The following IQGAP3 variants were observed in gnomAD, a reference collection of about 807,000 sequenced individuals.
IQGAP3 encodes ras GTPase-activating-like protein IQGAP3.
IQGAP3 carries 165 observed loss-of-function variants against 208.2 expected under a neutral mutation model. The observed-to-expected ratio is 0.79, with a 90% CI of 0.70 to 0.90. The LOEUF (loss-of-function observed/expected upper bound fraction) is 0.90, where lower values mean the gene tolerates loss of function less well. Ranked by LOEUF, IQGAP3 falls within the 40% of genes least tolerant of loss-of-function variation. IQGAP3 has a pLI of 0.00. For synonymous variants in IQGAP3, 703 were observed against 803.6 expected (o/e 0.87, Z 2.12); for missense variants, 1,811 against 2,043.1 (o/e 0.89, Z 2.19).
rs544281632 is a variant in IQGAP3, at chr1:156,565,469, C to T, written c.360+558G>A. ...AAAAACAAAGCAGAAAGAAACCATACATTGTAGAATCCTATCATGCCTTCA... is the reference window on the plus strand; with the variant it reads ...AAAAACAAAGCAGAAAGAAACCATATATTGTAGAATCCTATCATGCCTTCA... On this transcript the variant is annotated intron_variant, in intron 4 of 37. Coordinates refer to ENST00000361170, the MANE Select transcript of IQGAP3 (RefSeq NM_178229.5). 7.8e-4 allele frequency among the ~76,000 whole-genome samples: 119 copies of T among 152,324 alleles called. 2 individuals are homozygous for T. Among genetic ancestry groups the T allele is most frequent in the African/African-American group, 2.9e-3 (119 of 41,578 alleles).
intron 5 of IQGAP3, among the ~76,000 whole-genome samples, chr1:156,564,348 G>GAACAAACTTACAACTTATACC (rs1229659324): frequency 3.9e-5 from 6 of 152,150 alleles, no homozygotes; most frequent in Admixed American, 2.0e-4. Context: ...TTTATACCCA[G>GAACAAACTTACAACTTATACC]TTACAAACTG....
In IQGAP3 at chr1:156,570,402, G is replaced by T. The variant is rs116102842; in HGVS notation, c.38-939C>A. ...CAAAAAATACACAAATTAGCCTGGT[G>T]TGATGGTGCAAACCTGTACTCCCAG... On this transcript the variant is annotated intron_variant, in intron 1 of 37. Coordinates refer to ENST00000361170, the MANE Select transcript of IQGAP3 (RefSeq NM_178229.5). 5.0e-3 allele frequency among the ~76,000 whole-genome samples: 766 copies of T among 152,296 alleles called. 6 individuals are homozygous for T. The highest frequency in any genetic ancestry group is 0.018 in the African/African-American group (735 of 41,562).
In IQGAP3 at chr1:156,566,605, C is replaced by T. The variant is rs1298860725; in HGVS notation, c.126-59G>A. 1.9e-6 allele frequency: 3 copies of T among 1,545,378 alleles called. No homozygotes were observed. The East Asian group carries it at 6.8e-5, about 35-fold the overall frequency. ...GGCAGACCACAGTGATTTATTCTAA[C>T]AACAGGAACTTCCCTCTGTCCCTCC... On this transcript the variant is annotated intron_variant, in intron 2 of 37. Coordinates refer to ENST00000361170, the MANE Select transcript of IQGAP3 (RefSeq NM_178229.5).
At chr1:156,561,114 G>C in intron 10 of IQGAP3, 93 bp from the exon 11 acceptor site, 1 of 815,384 alleles carries the variant, frequency 1.2e-6, no homozygotes, top group Non-Finnish European at 2.1e-6. Context: ...GGTCTACCCA[G>C]CCACCTACCC....
At chr1:156,532,923 A>G (rs774224195) in intron 32 of IQGAP3, 57 bp downstream of exon 32, 9 of 1,606,002 alleles carry the variant, frequency 5.6e-6, no homozygotes, top group Non-Finnish European at 7.7e-6. Context: ...AGGCCATTTT[A>G]CTGGCCTCAG....
rs114923240 is a variant in IQGAP3, at chr1:156,548,813, A to G, written c.1826-65T>C. 2,000 of 1,448,316 alleles carry G rather than the reference A, an allele frequency of 1.4e-3. 25 individuals carry two copies. In the African/African-American group the frequency reaches 0.024, roughly 18 times the overall value. 89.7% of individuals were successfully genotyped at this position (1,448,316 alleles called of 1,614,324 possible). A position where few individuals can be genotyped will look rare whatever the true frequency, so the allele number is the denominator to read the frequency against. On this transcript the variant is annotated intron_variant, in intron 16 of 37. Coordinates refer to ENST00000361170, the MANE Select transcript of IQGAP3 (RefSeq NM_178229.5). ...CGAGTCCCTCCCATGGGCCTTGGCC[A>G]GTCCACTAGGGACAGATTCCATGAA...
At chr1:156,529,996 G>A (rs961454756) in intron 34 of IQGAP3, 109 bp downstream of exon 34, 56 of 813,142 alleles carry the variant, frequency 6.9e-5, no homozygotes, top group Non-Finnish European at 9.1e-5. Context: ...GACAATTTTG[G>A]GTGAGGACTC....
At chr1:156,538,055 C>A (rs954506528) in intron 26 of IQGAP3, among the ~76,000 whole-genome samples, 1 of 151,828 alleles carries the variant, frequency 6.6e-6, no homozygotes, top group Non-Finnish European at 1.5e-5. Context: ...CAACACCCGG[C>A]GAATTTTTGT....
At position 156,528,899 on chromosome 1, in the gene IQGAP3, G is replaced by A. The variant is rs201660294; in HGVS notation, c.4571+17C>T. The A allele has an allele frequency of 3.3e-5, 54 of 1,614,022 alleles. No homozygotes were observed. The East Asian group carries it at 4.0e-4, about 12-fold the overall frequency. On this transcript the variant is annotated intron_variant, in intron 35 of 37. Transcript: ENST00000361170. ...AAGTCACTCGTAACCTTCCAAGTACGGGAAAGCAGCACCTACTTGGAGTCG... is the reference window on the plus strand; with the variant it reads ...AAGTCACTCGTAACCTTCCAAGTACAGGAAAGCAGCACCTACTTGGAGTCG...
chr1:156,546,013 C>T (rs1453649530), intron 19 of IQGAP3, among the ~76,000 whole-genome samples: 1 of 152,104 alleles, frequency 6.6e-6, no homozygotes, highest in Non-Finnish European at 1.5e-5. Flanking sequence ...TAGCTTGGTC[C>T]ATGATGCCAG....
At position 156,537,271 on chromosome 1, in the gene IQGAP3, A is replaced by G. The variant is rs1270309617; in HGVS notation, c.3332T>C (p.Val1111Ala). The G allele has an allele frequency of 6.2e-7, 1 of 1,613,914 alleles. No homozygotes were observed. Among genetic ancestry groups the G allele is most frequent in the African/African-American group, 1.3e-5 (1 of 75,002 alleles). ...TPEQALSHPE[V>A]QRRLDIALRN... ...TAGGGCGATGTCCAGTCGTCTCTGG[A>G]CCTCGGGGTGGCTCAAGGCCTGCTC... The change falls in exon 27 of 38, where the codon GTC (valine) becomes GCC (alanine). Residue 1111 changes from valine (V) to alanine (A), a missense_variant. Transcript: ENST00000361170.
chr1:156,557,290 T>C (rs1472926579), intron 11 of IQGAP3, among the ~76,000 whole-genome samples: 1 of 2,924 alleles, frequency 3.4e-4, no homozygotes, highest in Admixed American at 8.8e-3. Flanking sequence ...GGGAGGGAGG[T>C]GGGGGGTCAG....
intron 19 of IQGAP3, among the ~76,000 whole-genome samples, chr1:156,545,706 T>C (rs1176983123): frequency 1.3e-5 from 2 of 152,052 alleles, no homozygotes; most frequent in Admixed American, 6.6e-5. Flanking sequence ...ACTATATTGC[T>C]CAGGCCAGTC....
intron 1 of IQGAP3, among the ~76,000 whole-genome samples, chr1:156,569,751 C>T (rs1433186141): frequency 6.6e-6 from 1 of 152,020 alleles, no homozygotes; most frequent in African/African-American, 2.4e-5. Flanking sequence ...GATCTCCTGA[C>T]CTCGTGATCC....
rs1002497364 is a variant in IQGAP3 at position 156,531,492 on chromosome 1, C to G, written c.4104-245G>C. 7.5e-4 allele frequency among the ~76,000 whole-genome samples: 114 copies of G among 152,028 alleles called. 1 individual carries two copies. The highest frequency in any genetic ancestry group is 2.7e-3 in the African/African-American group (111 of 41,372). On this transcript the variant is annotated intron_variant, in intron 32 of 37. Transcript: ENST00000361170. ...ACCCAGCCATCCCTTCTCCTTAGCT[C>G]TCAATGCATCTGACACCCACCACCC...
chr1:156,569,971 C>T (rs1449420655), intron 1 of IQGAP3, among the ~76,000 whole-genome samples: 1 of 152,150 alleles, frequency 6.6e-6, no homozygotes, highest in Non-Finnish European at 1.5e-5. Flanking sequence ...CTGTAGCCAT[C>T]TTCCTGTCCT....
At chr1:156,567,023 A>G (rs1244961223) in intron 2 of IQGAP3, among the ~76,000 whole-genome samples, 1 of 151,522 alleles carries the variant, frequency 6.6e-6, no homozygotes, top group African/African-American at 2.4e-5. Flanking sequence ...ACACCCCACC[A>G]CGCCCAGCTA....
chr1:156,534,249 G>T, intron 29 of IQGAP3, 108 bp from the exon 30 acceptor site: 1 of 1,529,272 alleles, frequency 6.5e-7, no homozygotes. Context: ...GGCCAATTTG[G>T]ACTCTCCAGT....
chr1:156,560,910 G>C lies in IQGAP3; in HGVS notation c.1129+24C>G, dbSNP rs199521612. On this transcript the variant is annotated intron_variant, in intron 11 of 37. Transcript: ENST00000361170. ...AGAGTCAGAGATACGCACAGAGCAGGCCTCAGACCTGCAGATGACTTACTG... is the reference window on the plus strand; with the variant it reads ...AGAGTCAGAGATACGCACAGAGCAGCCCTCAGACCTGCAGATGACTTACTG... 187 of 1,531,264 alleles carry C rather than the reference G, an allele frequency of 1.2e-4. No homozygotes were observed. In the African/African-American group the frequency reaches 2.5e-3, roughly 20 times the overall value. The allele number at this position is 1,531,264 out of a possible 1,614,324, so 94.9% of individuals were successfully genotyped here. A position where few individuals can be genotyped will look rare whatever the true frequency, so the allele number is the denominator to read the frequency against.
Sources: allele counts gnomAD v4.1 joint callset (sites outside exome capture counted in the v4.1 genomes callset), GRCh38; gene constraint gnomAD v4.1.1; transcripts MANE v1.5; gene names NCBI Gene and HGNC (gene_info 2026-07-23, HGNC 2026-07-21).